COL5A2: variants seen among roughly 807,000 people sequenced by gnomAD.
COL5A2 encodes the protein collagen type V alpha 2 chain.
COL5A2 carries 23 observed loss-of-function variants against 208.2 expected under a neutral mutation model. The ratio of observed to expected loss-of-function variants is 0.11; its 90% CI spans 0.08 to 0.16. The LOEUF (loss-of-function observed/expected upper bound fraction) is 0.16. Among genes scored for constraint, COL5A2 ranks in the 10% least tolerant of loss-of-function variants. The probability of loss-of-function intolerance (pLI) is 1.00; values close to 1 mark genes in which losing one functional copy is unlikely to be tolerated. For synonymous variants in COL5A2, 625 were observed against 628.5 expected (o/e 0.99, Z 0.08); for missense variants, 1,590 against 1,956.4 (o/e 0.81, Z 3.53).
the COL5A2 span, among the ~76,000 whole-genome samples, chr2:189,273,202 A>C: frequency 6.6e-6 from 1 of 152,118 alleles, no homozygotes; most frequent in Non-Finnish European, 1.5e-5. Context: ...TCTGACTCAA[A>C]ATTTATCACT....
At chr2:189,380,713 CA>C in the COL5A2 span, among the ~76,000 whole-genome samples, 1 of 151,764 alleles carries the variant, frequency 6.6e-6, no homozygotes, top group African/African-American at 2.4e-5. Context: ...AAGTCATATA[CA>C]GGGGCAAAAA....
chr2:189,281,940 T>A, the COL5A2 span, among the ~76,000 whole-genome samples: 15 of 152,320 alleles, frequency 9.8e-5, no homozygotes, highest in Non-Finnish European at 8.8e-5. Context: ...TCCCAGCACT[T>A]CGGGAGGCCG....
intron 41 of COL5A2, 149 bp from the exon 42 acceptor site, chr2:189,051,630 A>C: frequency 3.4e-6 from 2 of 589,388 alleles, no homozygotes; most frequent in Middle Eastern, 4.7e-4. Flanking sequence ...ATAGGATTTA[A>C]ACAAAACAAA....
chr2:189,155,122 C>T (rs1340839350), intron 1 of COL5A2, among the ~76,000 whole-genome samples: 2 of 151,978 alleles, frequency 1.3e-5, no homozygotes, highest in African/African-American at 4.8e-5. Context: ...TGGGACTAGA[C>T]GTGCATGCCA....
chr2:189,104,672 C>T (rs1687115857), intron 2 of COL5A2, among the ~76,000 whole-genome samples: 1 of 151,722 alleles, frequency 6.6e-6, no homozygotes, highest in African/African-American at 2.4e-5. Flanking sequence ...TACAATTATA[C>T]ACTAAAAAAT....
Position 189,072,170 on chromosome 2 carries a change from G to A in COL5A2, c.1105-77C>T, listed in dbSNP as rs80131484. ...ATTAGGTCATTTTTTAGAGTTTGGC[G>A]TCATTTTGTATTAGACACATAAGAA... On this transcript the variant is annotated intron_variant, in intron 17 of 53. Coordinates refer to ENST00000374866, the MANE Select transcript of COL5A2 (RefSeq NM_000393.5). 7.1e-5 allele frequency: 73 copies of A among 1,022,048 alleles called. No individual in the cohort carries two copies. The Middle Eastern group carries it at 7.3e-4, about 10-fold the overall frequency. 63.3% of individuals were successfully genotyped at this position (1,022,048 alleles called of 1,614,324 possible). A position where few individuals can be genotyped will look rare whatever the true frequency, so the allele number is the denominator to read the frequency against.
chr2:189,381,022 C>A, the COL5A2 span, among the ~76,000 whole-genome samples: 3 of 151,762 alleles, frequency 2.0e-5, no homozygotes, highest in Non-Finnish European at 4.4e-5. Context: ...AAATGTAAAG[C>A]CAAAACTAAA....
In COL5A2 at chr2:189,063,155, T is replaced by TAGGA. The variant is rs1559085713; in HGVS notation, c.1869+16_1869+17insTCCT. 6.2e-7 allele frequency: 1 copy of TAGGA among 1,612,934 alleles called. No homozygotes were observed. Among genetic ancestry groups the TAGGA allele is most frequent in the Non-Finnish European group, 8.5e-7 (1 of 1,178,998 alleles). On this transcript the variant is annotated intron_variant, in intron 27 of 53. Coordinates refer to ENST00000374866, the MANE Select transcript of COL5A2 (RefSeq NM_000393.5). ...GGATCATGATGAGGTGGCCAACATA[T>TAGGA]TATACACTGTACTCACACTGCTACC...
At chr2:189,119,952 C>G (rs892422982) in intron 1 of COL5A2, among the ~76,000 whole-genome samples, 3 of 151,872 alleles carry the variant, frequency 2.0e-5, no homozygotes, top group Non-Finnish European at 2.9e-5. Flanking sequence ...AAAACATGAG[C>G]CTTTACTTTT....
chr2:189,141,870 C>T (rs1033424701), intron 1 of COL5A2, among the ~76,000 whole-genome samples: 6 of 151,976 alleles, frequency 3.9e-5, no homozygotes, highest in Non-Finnish European at 8.8e-5. Context: ...GATTTGATAA[C>T]GAAATGTATG....
rs1686644127 is a variant in COL5A2 at position 189,085,755 on chromosome 2, T to C, written c.708A>G (p.Thr236=). ...LQGQQGGAGP[T]GPPGEPGDPG... Reference sequence around the variant, plus strand: ...GATCACCAGGTTCACCAGGAGGTCCTGTAGGTCCTGCACCACCCTACAGTT... The same window carrying C: ...GATCACCAGGTTCACCAGGAGGTCCCGTAGGTCCTGCACCACCCTACAGTT... Residue 236 remains threonine (T), a synonymous_variant, in exon 10 of 54, where the codon ACA becomes ACG. Coordinates refer to ENST00000374866, the MANE Select transcript of COL5A2 (RefSeq NM_000393.5). 6.2e-7 allele frequency: 1 copy of C among 1,613,236 alleles called. No homozygotes were observed. Among genetic ancestry groups the C allele is most frequent in the South Asian group, 1.1e-5 (1 of 91,080 alleles).
At chr2:189,401,914 C>T in the COL5A2 span, among the ~76,000 whole-genome samples, 1 of 151,532 alleles carries the variant, frequency 6.6e-6, no homozygotes, top group African/African-American at 2.4e-5. Flanking sequence ...TTTAATGGGG[C>T]TGTTTTTTTC....
At chr2:189,087,486 C>T (rs1014232940) in intron 8 of COL5A2, among the ~76,000 whole-genome samples, 4 of 151,424 alleles carry the variant, frequency 2.6e-5, no homozygotes, top group South Asian at 2.1e-4. Flanking sequence ...TTTTTTTAGA[C>T]GGAGTCTCCC....
At chr2:189,382,716 A>C in the COL5A2 span, among the ~76,000 whole-genome samples, 1 of 152,172 alleles carries the variant, frequency 6.6e-6, no homozygotes, top group African/African-American at 2.4e-5. Flanking sequence ...TGGGATTATC[A>C]TTGGTTCTTA....
chr2:189,162,150 T>C (rs1688379719), intron 1 of COL5A2, among the ~76,000 whole-genome samples: 2 of 152,240 alleles, frequency 1.3e-5, no homozygotes, highest in South Asian at 2.1e-4. Flanking sequence ...TTTGTCTGCC[T>C]CTGCCACAGC....
At chr2:189,309,681 T>C in the COL5A2 span, among the ~76,000 whole-genome samples, 2 of 152,192 alleles carry the variant, frequency 1.3e-5, no homozygotes, top group Non-Finnish European at 2.9e-5. Flanking sequence ...CACTCTGTCT[T>C]ATACCCCTCA....
chr2:189,311,448 T>A, the COL5A2 span: 1 of 1,138,316 alleles, frequency 8.8e-7, no homozygotes, highest in Non-Finnish European at 1.3e-6. Flanking sequence ...TTGACCTCGA[T>A]GTTCAGCAGG....
the COL5A2 span, among the ~76,000 whole-genome samples, chr2:189,282,868 A>G: frequency 1.3e-5 from 2 of 152,048 alleles, no homozygotes; most frequent in Admixed American, 1.3e-4. Flanking sequence ...GATCTTTAAC[A>G]CTCTAGAAAT....
chr2:189,268,045 C>T, the COL5A2 span, among the ~76,000 whole-genome samples: 4 of 152,116 alleles, frequency 2.6e-5, no homozygotes, highest in Admixed American at 6.6e-5. Context: ...CCCAAAGTGG[C>T]ATTAAAAATT....
Sources: allele counts gnomAD v4.1 joint callset (sites outside exome capture counted in the v4.1 genomes callset), GRCh38; gene constraint gnomAD v4.1.1; transcripts MANE v1.5; gene names NCBI Gene and HGNC (gene_info 2026-07-23, HGNC 2026-07-21).